The following PCDH11X variants were observed in gnomAD, a reference collection of about 807,000 sequenced individuals.
PCDH11X encodes protocadherin 11 X-linked.
PCDH11X carries 18 observed loss-of-function variants against 53.3 expected under a neutral mutation model. The ratio of observed to expected loss-of-function variants is 0.34; its 90% CI spans 0.23 to 0.50. The LOEUF (loss-of-function observed/expected upper bound fraction) is 0.50, where lower values mean the gene tolerates loss of function less well. Ranked by LOEUF, PCDH11X falls within the 20% of genes least tolerant of loss-of-function variation. The pLI, the probability that PCDH11X is intolerant of heterozygous loss-of-function variation, is 0.98. For synonymous variants in PCDH11X, 279 were observed against 393.3 expected, an observed-to-expected ratio of 0.71 and a Z score of 3.44; for missense variants, 570 against 1,032.4, an observed-to-expected ratio of 0.55 and a Z score of 6.14.
In PCDH11X at chrX:92,452,451, A is replaced by ATGTG. The variant is rs1289824916; in HGVS notation, c.3344-15838_3344-15835dup. ...ATATATAGTAGTTTGTATAATATAGATGTGTGTGTGTGTATATATATATAT... is the reference window on the plus strand; with the variant it reads ...ATATATAGTAGTTTGTATAATATAGATGTGTGTGTGTGTGTGTATATATATATAT... On this transcript the variant is annotated intron_variant, in intron 9 of 10. Transcript: ENST00000682573. Among the ~76,000 whole-genome samples, 317 of 63,122 alleles carry ATGTG rather than the reference A, an allele frequency of 5.0e-3. 4 individuals carry two copies. Among genetic ancestry groups the ATGTG allele is most frequent in the Non-Finnish European group, 5.9e-3 (205 of 34,873 alleles). 54.8% of individuals were successfully genotyped at this position (63,122 alleles called of 115,157 possible).
At chrX:91,930,232 A>G (rs1448417662) in intron 6 of PCDH11X, among the ~76,000 whole-genome samples, 28 of 108,574 alleles carry the variant, frequency 2.6e-4, no homozygotes, top group Non-Finnish European at 5.0e-4. Flanking sequence ...AATTGGTAGT[A>G]ATAGGTAGAA....
At chrX:92,155,869 C>G (rs2065525444) in intron 6 of PCDH11X, among the ~76,000 whole-genome samples, 1 of 108,052 alleles carries the variant, frequency 9.3e-6, no homozygotes, top group African/African-American at 3.4e-5. Flanking sequence ...ACCTCGTGAT[C>G]CGCTTGCCTC....
chrX:92,046,953 G>T (rs1241107631), intron 6 of PCDH11X, among the ~76,000 whole-genome samples: 2 of 96,337 alleles, frequency 2.1e-5, no homozygotes, highest in East Asian at 7.4e-4. Context: ...TTCCCTTTGA[G>T]CTCACAAAAT....
At chrX:92,516,902 G>T (rs776449823) in intron 10 of PCDH11X, among the ~76,000 whole-genome samples, 1 of 112,385 alleles carries the variant, frequency 8.9e-6, no homozygotes, top group African/African-American at 3.2e-5. Context: ...AGAGAAAAGG[G>T]ACTGACCTGG....
At chrX:91,908,171 G>T (rs1406650720) in intron 6 of PCDH11X, among the ~76,000 whole-genome samples, 1 of 111,610 alleles carries the variant, frequency 9.0e-6, no homozygotes, top group Admixed American at 9.6e-5. Flanking sequence ...ATCAACAAAT[G>T]GGATCTAGTT....
intron 7 of PCDH11X, among the ~76,000 whole-genome samples, chrX:92,243,146 A>G (rs1054495918): frequency 8.9e-6 from 1 of 111,750 alleles, no homozygotes; most frequent in Non-Finnish European, 1.9e-5. Flanking sequence ...TTAGGTGTCA[A>G]GTACAAAAGC....
At chrX:92,042,759 C>T (rs1169846497) in intron 6 of PCDH11X, among the ~76,000 whole-genome samples, 22 of 103,007 alleles carry the variant, frequency 2.1e-4, no homozygotes, top group African/African-American at 7.5e-4. Context: ...GCCTTGGCCT[C>T]CTGAGTAGCT....
At chrX:91,800,748 G>A (rs1051041231) in intron 1 of PCDH11X, among the ~76,000 whole-genome samples, 2 of 110,887 alleles carry the variant, frequency 1.8e-5, no homozygotes, top group African/African-American at 6.6e-5. Context: ...CAAAACCAAA[G>A]GCAAATTAAC....
At chrX:92,400,341 G>A (rs2071362482) in intron 9 of PCDH11X, among the ~76,000 whole-genome samples, 1 of 111,485 alleles carries the variant, frequency 9.0e-6, no homozygotes, top group African/African-American at 3.3e-5. Flanking sequence ...TAGTGTTGAA[G>A]TGTCAACTTT....
chrX:91,973,683 C>T (rs1362083947), intron 6 of PCDH11X, among the ~76,000 whole-genome samples: 84 of 98,713 alleles, frequency 8.5e-4, no homozygotes, highest in African/African-American at 3.0e-3. Flanking sequence ...GGCAGGATCT[C>T]GGCTCATTGC....
At chrX:92,319,873 C>T (rs1011775589) in intron 8 of PCDH11X, among the ~76,000 whole-genome samples, 2 of 111,434 alleles carry the variant, frequency 1.8e-5, no homozygotes, top group African/African-American at 6.5e-5. Flanking sequence ...AAGATCTTTT[C>T]AGTTTGTTTG....
At chrX:92,254,570 G>T (rs184996491) in intron 7 of PCDH11X, among the ~76,000 whole-genome samples, 60 of 109,043 alleles carry the variant, frequency 5.5e-4, no homozygotes, top group African/African-American at 1.9e-3. Context: ...ATTTTGCAGC[G>T]GCTGGTACCG....
chrX:92,243,779 C>T (rs1004576992), intron 7 of PCDH11X, among the ~76,000 whole-genome samples: 1 of 111,052 alleles, frequency 9.0e-6, no homozygotes, highest in Non-Finnish European at 1.9e-5. Context: ...GGGTTGTTCA[C>T]GTAGCCCACT....
intron 6 of PCDH11X, among the ~76,000 whole-genome samples, chrX:92,107,026 C>T (rs1370409825): frequency 4.5e-5 from 5 of 111,769 alleles, no homozygotes; most frequent in Non-Finnish European, 9.4e-5. Context: ...TCTCCACCAC[C>T]CCTTAACTTA....
chrX:92,198,696 T>TA (rs1289155375), intron 6 of PCDH11X, among the ~76,000 whole-genome samples: 81 of 111,267 alleles, frequency 7.3e-4, no homozygotes, highest in Non-Finnish European at 1.3e-3. Flanking sequence ...TGCATCTTAT[T>TA]ATTTTCATGA....
At chrX:91,970,462 T>C (rs982302205) in intron 6 of PCDH11X, among the ~76,000 whole-genome samples, 12 of 111,301 alleles carry the variant, frequency 1.1e-4, no homozygotes, top group African/African-American at 3.9e-4. Context: ...CCTACCCGAT[T>C]AGTTAGACAC....
intron 5 of PCDH11X, among the ~76,000 whole-genome samples, chrX:91,865,909 C>G (rs183843702): frequency 4.9e-4 from 54 of 110,661 alleles, no homozygotes; most frequent in African/African-American, 1.7e-3. Flanking sequence ...GGGCTCCCCT[C>G]TGTTCCAGCA....
intron 10 of PCDH11X, among the ~76,000 whole-genome samples, chrX:92,549,728 A>G (rs1569503479): frequency 9.1e-6 from 1 of 109,894 alleles, no homozygotes; most frequent in Non-Finnish European, 1.9e-5. Flanking sequence ...CAGAATAAAT[A>G]AAACAAAGTC....
chrX:92,374,113 G>A (rs5942231), intron 8 of PCDH11X, among the ~76,000 whole-genome samples: 19,887 of 106,237 alleles, frequency 0.19, 1,536 homozygotes, highest in Non-Finnish European at 0.22. Context: ...GAAGTGACTG[G>A]TTATAATTTC....
Sources: allele counts gnomAD v4.1 joint callset (sites outside exome capture counted in the v4.1 genomes callset), GRCh38; gene constraint gnomAD v4.1.1; transcripts MANE v1.5; gene names NCBI Gene and HGNC (gene_info 2026-07-23, HGNC 2026-07-21).